TMC1: variants seen among roughly 807,000 people sequenced by gnomAD.
The protein encoded by TMC1 is transmembrane channel-like protein 1.
Under a neutral mutation model 105.8 loss-of-function variants are expected in TMC1, and 84 were observed. The ratio of observed to expected loss-of-function variants is 0.79; its 90% CI spans 0.67 to 0.95. The LOEUF (loss-of-function observed/expected upper bound fraction) is 0.95, where lower values mean the gene tolerates loss of function less well. Among genes scored for constraint, TMC1 ranks in the 40% least tolerant of loss-of-function variants. TMC1 has a pLI of 0.00. For missense variants in TMC1, 817 were observed against 914.1 expected (o/e 0.89, Z 1.37); for synonymous variants, 315 against 311.5 (o/e 1.01, Z -0.12).
chr9:72,591,536 C>G (rs1824639439), intron 2 of TMC1, among the ~76,000 whole-genome samples: 1 of 152,206 alleles, frequency 6.6e-6, no homozygotes, highest in Non-Finnish European at 1.5e-5. Context: ...GGTTCTCAAA[C>G]TGTAGTGGAT....
chr9:72,813,553 A>G (rs1828737568), intron 18 of TMC1, among the ~76,000 whole-genome samples: 1 of 152,240 alleles, frequency 6.6e-6, no homozygotes, highest in African/African-American at 2.4e-5. Flanking sequence ...AGGGCTAGAT[A>G]GTAAGTATTT....
At chr9:72,679,841 G>A (rs1192728469) in intron 5 of TMC1, among the ~76,000 whole-genome samples, 2 of 151,962 alleles carry the variant, frequency 1.3e-5, no homozygotes, top group Non-Finnish European at 2.9e-5. Context: ...ATCCTTTCAT[G>A]GGCAGGAACT....
intron 5 of TMC1, among the ~76,000 whole-genome samples, chr9:72,651,904 C>T (rs756837576): frequency 3.9e-5 from 6 of 152,020 alleles, no homozygotes; most frequent in Non-Finnish European, 5.9e-5. Context: ...TCTTATCCCT[C>T]ACCCCCCATC....
intron 8 of TMC1, among the ~76,000 whole-genome samples, chr9:72,731,288 G>A (rs765412388): frequency 2.0e-5 from 3 of 152,202 alleles, no homozygotes; most frequent in Non-Finnish European, 4.4e-5. Flanking sequence ...GGACTAGAAA[G>A]CAACACACTG....
At chr9:72,665,935 G>A (rs1486140136) in intron 5 of TMC1, among the ~76,000 whole-genome samples, 2 of 152,180 alleles carry the variant, frequency 1.3e-5, no homozygotes, top group Non-Finnish European at 2.9e-5. Flanking sequence ...GCTTTCAGAA[G>A]TGGAGAACAT....
At chr9:72,810,848 A>G (rs1588095290) in intron 18 of TMC1, among the ~76,000 whole-genome samples, 1 of 152,200 alleles carries the variant, frequency 6.6e-6, no homozygotes, top group Non-Finnish European at 1.5e-5. Context: ...AATTATATCC[A>G]TGTACATAAG....
chr9:72,754,955 A>G (rs1343704860), intron 12 of TMC1, 71 bp downstream of exon 12: 107 of 1,161,158 alleles, frequency 9.2e-5, no homozygotes, highest in Middle Eastern at 2.0e-4. Flanking sequence ...TCTGAAACCC[A>G]CGGCCTCCTC....
intron 18 of TMC1, among the ~76,000 whole-genome samples, chr9:72,812,083 T>C (rs1018512176): frequency 6.6e-6 from 1 of 152,210 alleles, no homozygotes; most frequent in African/African-American, 2.4e-5. Context: ...ATTTCCATCA[T>C]GTTGAATTTA....
chr9:72,785,718 G>A (rs1828158243), intron 13 of TMC1, among the ~76,000 whole-genome samples: 1 of 152,172 alleles, frequency 6.6e-6, no homozygotes, highest in East Asian at 1.9e-4. Flanking sequence ...CCTGGGCAGG[G>A]TGAAGTGGGA....
At chr9:72,778,495 A>T (rs1828039906) in intron 13 of TMC1, among the ~76,000 whole-genome samples, 1 of 152,064 alleles carries the variant, frequency 6.6e-6, no homozygotes, top group Non-Finnish European at 1.5e-5. Context: ...AGTCTCAATG[A>T]CCCCCATGGA....
At chr9:72,816,052 T>A (rs990370205) in intron 18 of TMC1, 91 bp from the exon 19 acceptor site, 1 of 1,124,404 alleles carries the variant, frequency 8.9e-7, no homozygotes, top group Non-Finnish European at 1.4e-6. Flanking sequence ...AGGGAAGTAA[T>A]TGAAACCCTA....
At chr9:72,734,142 C>T (rs1187951287) in intron 8 of TMC1, among the ~76,000 whole-genome samples, 2 of 152,140 alleles carry the variant, frequency 1.3e-5, no homozygotes, top group Non-Finnish European at 2.9e-5. Flanking sequence ...TTTCATCATG[C>T]TACTCAGGAC....
At chr9:72,698,729 C>T (rs1310524509) in intron 7 of TMC1, among the ~76,000 whole-genome samples, 1 of 152,134 alleles carries the variant, frequency 6.6e-6, no homozygotes, top group Non-Finnish European at 1.5e-5. Flanking sequence ...AACACTGTAG[C>T]GTAGAGGAAA....
At chr9:72,603,160 T>C (rs937346340) in intron 2 of TMC1, among the ~76,000 whole-genome samples, 13 of 152,258 alleles carry the variant, frequency 8.5e-5, no homozygotes, top group Middle Eastern at 3.4e-3. Context: ...AATCACTTTG[T>C]TTCAAGTGCT....
intron 5 of TMC1, among the ~76,000 whole-genome samples, chr9:72,653,654 G>GAC (rs1825845415): frequency 6.6e-6 from 1 of 151,994 alleles, no homozygotes; most frequent in African/African-American, 2.4e-5. Context: ...CATTTAAAAT[G>GAC]ACAATTTGAC....
chr9:72,683,830 A>G (rs988263645), intron 5 of TMC1, among the ~76,000 whole-genome samples: 1 of 143,182 alleles, frequency 7.0e-6, no homozygotes, highest in Admixed American at 7.3e-5. Flanking sequence ...ATTTTGCTTT[A>G]TGCTTATTCT....
intron 17 of TMC1, among the ~76,000 whole-genome samples, chr9:72,796,906 CA>C (rs1828380486): frequency 6.6e-6 from 1 of 151,962 alleles, no homozygotes; most frequent in Admixed American, 6.6e-5. Flanking sequence ...TGAAGGGTAT[CA>C]AAATAGGAAA....
rs1042416770 is a variant in TMC1 at position 72,704,958 on chromosome 9, G to C, written c.362+4315G>C. ...AAGAGTGTGTGTAGGGAGTTGGAGG[G>C]GGGTAAGGGAAACAGTGTCATATTT... On this transcript the variant is annotated intron_variant, in intron 8 of 23. Coordinates refer to ENST00000297784, the MANE Select transcript of TMC1 (RefSeq NM_138691.3). Among the ~76,000 whole-genome samples the C allele has an allele frequency of 7.9e-5, 12 of 151,582 alleles. No homozygotes were observed. In the East Asian group the frequency reaches 2.3e-3, roughly 30 times the overall value.
chr9:72,835,935 T>TTTTTTTTTTTGAA lies in TMC1; in HGVS notation c.2261-16_2261-15insTTTTTTTTTTGAA. ...TCCTTGTTTTTTTTTTTTTTTTTTT[T>TTTTTTTTTTTGAA]CTGTTTTGTGAACAGCTGCAGCTGC... On this transcript the variant is annotated splice_polypyrimidine_tract_variant and intron_variant, in intron 23 of 23. Coordinates refer to ENST00000297784, the MANE Select transcript of TMC1 (RefSeq NM_138691.3). 1 of 1,545,882 alleles carries TTTTTTTTTTTGAA rather than the reference T, an allele frequency of 6.5e-7. No individual in the cohort carries two copies. Among genetic ancestry groups the TTTTTTTTTTTGAA allele is most frequent in the Non-Finnish European group, 8.7e-7 (1 of 1,150,154 alleles).
Sources: allele counts gnomAD v4.1 joint callset (sites outside exome capture counted in the v4.1 genomes callset), GRCh38; gene constraint gnomAD v4.1.1; transcripts MANE v1.5; gene names NCBI Gene and HGNC (gene_info 2026-07-23, HGNC 2026-07-21).